GALNTL6: variants seen among roughly 807,000 people sequenced by gnomAD.
GALNTL6 encodes the protein polypeptide N-acetylgalactosaminyltransferase-like 6.
Under a neutral mutation model 73.7 loss-of-function variants are expected in GALNTL6, and 46 were observed. The observed-to-expected ratio is 0.62, with a 90% CI of 0.49 to 0.80. The LOEUF is 0.80. Ranked by LOEUF, GALNTL6 falls within the 30% of genes least tolerant of loss-of-function variation. GALNTL6 has a pLI of 0.00. For synonymous variants in GALNTL6, 259 were observed against 263.7 expected, an observed-to-expected ratio of 0.98 and a Z score of 0.17; for missense variants, 604 against 755.0, an observed-to-expected ratio of 0.80 and a Z score of 2.34.
chr4:172,277,765 T>A (rs1400972084), intron 3 of GALNTL6, among the ~76,000 whole-genome samples: 3 of 152,202 alleles, frequency 2.0e-5, no homozygotes, highest in Non-Finnish European at 2.9e-5. Context: ...AAAAATGGAA[T>A]TCTACCCTTG....
intron 7 of GALNTL6, among the ~76,000 whole-genome samples, chr4:172,841,757 T>TC (rs1423873688): frequency 6.6e-6 from 1 of 152,076 alleles, no homozygotes; most frequent in Non-Finnish European, 1.5e-5. Context: ...ATCACTTCCC[T>TC]CCCCTCTACG....
At chr4:172,176,797 T>C (rs555779767) in intron 2 of GALNTL6, among the ~76,000 whole-genome samples, 1 of 152,012 alleles carries the variant, frequency 6.6e-6, no homozygotes, top group Non-Finnish European at 1.5e-5. Flanking sequence ...TCTAGAAAAA[T>C]AGAAATAAAA....
intron 5 of GALNTL6, among the ~76,000 whole-genome samples, chr4:172,670,209 G>T (rs1471546796): frequency 6.6e-6 from 1 of 151,974 alleles, no homozygotes; most frequent in South Asian, 2.1e-4. Context: ...TCTCATATTG[G>T]GTCTTTAAGG....
chr4:171,994,575 G>A (rs1319240029), intron 2 of GALNTL6, among the ~76,000 whole-genome samples: 2 of 152,008 alleles, frequency 1.3e-5, no homozygotes, highest in Non-Finnish European at 2.9e-5. Context: ...ATTGTACACT[G>A]CTCGAGTGAT....
rs115314484 is a variant in GALNTL6, at chr4:171,979,722, T to A, written c.138+165004T>A. On this transcript the variant is annotated intron_variant, in intron 2 of 12. Transcript: ENST00000506823. ...GGGCTATAGCACATATCAGGGAGAG[T>A]GGAATCTGCAGGGAATATCAGAAGA... 4.2e-3 allele frequency among the ~76,000 whole-genome samples: 635 copies of A among 151,792 alleles called. 3 individuals carry two copies. The highest frequency in any genetic ancestry group is 0.014 in the African/African-American group (591 of 41,390).
chr4:172,917,436 G>C (rs954624572), intron 8 of GALNTL6, among the ~76,000 whole-genome samples: 1 of 152,146 alleles, frequency 6.6e-6, no homozygotes, highest in African/African-American at 2.4e-5. Context: ...CACAGCAAAA[G>C]AACCTACCAT....
chr4:172,005,056 A>G (rs983192293), intron 2 of GALNTL6, among the ~76,000 whole-genome samples: 3 of 152,144 alleles, frequency 2.0e-5, no homozygotes, highest in East Asian at 1.9e-4. Context: ...TGTACTTTTA[A>G]TATTTAAGGT....
chr4:172,958,738 A>C (rs953696811), intron 10 of GALNTL6, among the ~76,000 whole-genome samples: 2 of 152,182 alleles, frequency 1.3e-5, no homozygotes, highest in Non-Finnish European at 2.9e-5. Context: ...TGAAGCCTTG[A>C]GGCAGTACAG....
chr4:172,756,622 G>A (rs1332448561), intron 5 of GALNTL6, among the ~76,000 whole-genome samples: 1 of 151,724 alleles, frequency 6.6e-6, no homozygotes, highest in Non-Finnish European at 1.5e-5. Flanking sequence ...ACTACAGCCC[G>A]GCAACAGCGT....
At chr4:172,945,092 A>G (rs1400186037) in intron 9 of GALNTL6, among the ~76,000 whole-genome samples, 3 of 151,946 alleles carry the variant, frequency 2.0e-5, no homozygotes, top group East Asian at 3.9e-4. Context: ...AGAATACTAT[A>G]AGAATGAATA....
At chr4:171,859,538 G>A (rs745538062) in intron 2 of GALNTL6, among the ~76,000 whole-genome samples, 36 of 151,970 alleles carry the variant, frequency 2.4e-4, no homozygotes, top group Non-Finnish European at 4.0e-4. Flanking sequence ...GAAAAAAATC[G>A]GTTATACTCA....
intron 2 of GALNTL6, among the ~76,000 whole-genome samples, chr4:172,032,119 A>C (rs1741789507): frequency 6.6e-6 from 1 of 152,146 alleles, no homozygotes; most frequent in Non-Finnish European, 1.5e-5. Context: ...CCTTATTTTT[A>C]CTAATGAACT....
At chr4:172,060,848 C>G (rs181673586) in intron 2 of GALNTL6, among the ~76,000 whole-genome samples, 2 of 152,222 alleles carry the variant, frequency 1.3e-5, no homozygotes, top group East Asian at 3.9e-4. Flanking sequence ...ACTTATTTTG[C>G]AAAGCATTTC....
At chr4:172,747,871 A>G (rs1442998202) in intron 5 of GALNTL6, among the ~76,000 whole-genome samples, 1 of 150,164 alleles carries the variant, frequency 6.7e-6, no homozygotes, top group East Asian at 1.9e-4. Context: ...AATACATGTC[A>G]TCATTTGTGA....
At chr4:172,083,154 A>G (rs149977489) in intron 2 of GALNTL6, among the ~76,000 whole-genome samples, 2 of 152,250 alleles carry the variant, frequency 1.3e-5, no homozygotes, top group East Asian at 1.9e-4. Context: ...AATGTTTTCA[A>G]AATAAGTTTT....
rs1214023300 is a variant in GALNTL6 at position 172,443,203 on chromosome 4, T to C, written c.553+94514T>C. Among the ~76,000 whole-genome samples the C allele has an allele frequency of 2.8e-5, 4 of 141,048 alleles. No individual in the cohort carries two copies. In the East Asian group the frequency reaches 6.3e-4, roughly 22 times the overall value. 92.5% of individuals were successfully genotyped at this position (141,048 alleles called of 152,430 possible). On this transcript the variant is annotated intron_variant, in intron 5 of 12. Coordinates refer to ENST00000506823, the MANE Select transcript of GALNTL6 (RefSeq NM_001034845.3). ...TTTTTGAGACAGAGTTTCACTCTTGTCCCCCAGGCTGGAGTGCAGTGGCAC... is the reference window on the plus strand; with the variant it reads ...TTTTTGAGACAGAGTTTCACTCTTGCCCCCCAGGCTGGAGTGCAGTGGCAC...
At position 172,781,829 on chromosome 4, in the gene GALNTL6, CTT is replaced by C. The variant is rs1739383782; in HGVS notation, c.554-27529_554-27528del. Among the ~76,000 whole-genome samples the C allele has an allele frequency of 2.0e-5, 3 of 151,744 alleles. No homozygotes were observed. In the South Asian group the frequency reaches 6.2e-4, roughly 32 times the overall value. ...ATTTTTACCCTATATACTTTGGTAT[CTT>C]TTGAAATTTGGTTAATGGGCATGTA... is the stretch of plus-strand genomic sequence containing the variant. On this transcript the variant is annotated intron_variant, in intron 5 of 12. Coordinates refer to ENST00000506823, the MANE Select transcript of GALNTL6 (RefSeq NM_001034845.3).
chr4:172,280,664 T>A (rs180681134), intron 3 of GALNTL6, among the ~76,000 whole-genome samples: 1 of 152,164 alleles, frequency 6.6e-6, no homozygotes, highest in Non-Finnish European at 1.5e-5. Context: ...TACTTTATAA[T>A]CAATATCTGT....
At chr4:172,446,427 C>T (rs955141708) in intron 5 of GALNTL6, among the ~76,000 whole-genome samples, 1 of 152,024 alleles carries the variant, frequency 6.6e-6, no homozygotes, top group Non-Finnish European at 1.5e-5. Flanking sequence ...GAATATATTA[C>T]AGAGGAGGAG....
Sources: gnomAD v4.1 joint callset for allele counts (sites outside exome capture counted in the v4.1 genomes callset) on GRCh38, gnomAD v4.1.1 for gene constraint, MANE v1.5 for transcripts, NCBI Gene and HGNC (gene_info 2026-07-23, HGNC 2026-07-21) for gene names.